CNBD1: variants seen among roughly 807,000 people sequenced by gnomAD.
CNBD1 encodes cyclic nucleotide-binding domain-containing protein 1.
A neutral mutation model predicts 54.4 loss-of-function variants in CNBD1; 71 were observed. That is an observed-to-expected ratio of 1.30 (90% CI 1.08 to 1.59). CNBD1 has a LOEUF of 1.59. Ranked by LOEUF, CNBD1 falls within the 40% of genes most tolerant of loss-of-function variation. The pLI, the probability that CNBD1 is intolerant of heterozygous loss-of-function variation, is 0.00. For missense variants in CNBD1, 659 were observed against 518.0 expected (o/e 1.27, Z -2.64); for synonymous variants, 182 against 170.7 (o/e 1.07, Z -0.51).
At chr8:86,900,859 G>T (rs1808921425) in intron 2 of CNBD1, among the ~76,000 whole-genome samples, 1 of 152,040 alleles carries the variant, frequency 6.6e-6, no homozygotes, top group Admixed American at 6.5e-5. Context: ...AGTTAACTTT[G>T]TCAAACAGAT....
chr8:87,275,541 C>T (rs1473069457), intron 6 of CNBD1, among the ~76,000 whole-genome samples: 1 of 151,762 alleles, frequency 6.6e-6, no homozygotes, highest in Non-Finnish European at 1.5e-5. Context: ...GCTAAAAACT[C>T]TCAATAAATT....
intron 4 of CNBD1, 168 bp downstream of exon 4, chr8:86,939,922 G>A (rs28726085): frequency 0.34 from 148,321 of 439,690 alleles, 25,698 homozygotes; most frequent in African/African-American, 0.44. Flanking sequence ...TATAAATACA[G>A]TCTTCATGAA....
At chr8:87,401,987 T>C (rs1378842236) in intron 2 of CNBD1, among the ~76,000 whole-genome samples, 1 of 151,946 alleles carries the variant, frequency 6.6e-6, no homozygotes, top group Non-Finnish European at 1.5e-5. Context: ...CATACTGTTA[T>C]GAAGAAATAT....
intron 4 of CNBD1, among the ~76,000 whole-genome samples, chr8:87,029,881 A>G (rs1368271688): frequency 6.6e-6 from 1 of 152,186 alleles, no homozygotes; most frequent in East Asian, 1.9e-4. Context: ...TACATTTCCT[A>G]AAATGCAAAG....
chr8:87,225,554 G>A (rs369277616), intron 5 of CNBD1, among the ~76,000 whole-genome samples: 21,385 of 150,836 alleles, frequency 0.14, 1,742 homozygotes, highest in Non-Finnish European at 0.19. Context: ...ATTGATTTGC[G>A]TATATTGAAC....
chr8:87,062,942 G>C lies in CNBD1; in HGVS notation c.431+123188G>C, dbSNP rs147508364. On this transcript the variant is annotated intron_variant, in intron 4 of 10. Transcript: ENST00000518476. Reference sequence around the variant, plus strand: ...ATAGTACAAGCCGTCTACTGGTGTGGTTGTCAAGAAAATTAACATATAGCT... The same window carrying C: ...ATAGTACAAGCCGTCTACTGGTGTGCTTGTCAAGAAAATTAACATATAGCT... Among the ~76,000 whole-genome samples, 482 of 152,202 alleles carry C rather than the reference G, an allele frequency of 3.2e-3. 3 individuals are homozygous for C. The highest frequency in any genetic ancestry group is 0.011 in the African/African-American group (460 of 41,540).
chr8:86,990,232 G>A (rs974310226), intron 4 of CNBD1, among the ~76,000 whole-genome samples: 9 of 152,070 alleles, frequency 5.9e-5, no homozygotes, highest in Non-Finnish European at 1.2e-4. Context: ...TTTTGCTTCG[G>A]TTGTCTGTGT....
At chr8:86,940,325 C>A (rs1809632147) in intron 4 of CNBD1, among the ~76,000 whole-genome samples, 1 of 151,916 alleles carries the variant, frequency 6.6e-6, no homozygotes, top group Non-Finnish European at 1.5e-5. Context: ...TGCCACCACG[C>A]CTGGCTAATT....
At chr8:87,411,863 G>C (rs1481824947) in intron 2 of CNBD1, among the ~76,000 whole-genome samples, 8 of 151,976 alleles carry the variant, frequency 5.3e-5, no homozygotes, top group African/African-American at 1.9e-4. Context: ...AAGTGACCAT[G>C]AAGGGAATAG....
At chr8:87,000,031 T>G (rs1199231862) in intron 4 of CNBD1, among the ~76,000 whole-genome samples, 1 of 152,218 alleles carries the variant, frequency 6.6e-6, no homozygotes, top group Non-Finnish European at 1.5e-5. Context: ...TTATCAGATA[T>G]TCTTTAAGTT....
At chr8:86,926,619 G>A (rs959726764) in intron 3 of CNBD1, among the ~76,000 whole-genome samples, 4 of 151,934 alleles carry the variant, frequency 2.6e-5, no homozygotes, top group African/African-American at 9.7e-5. Flanking sequence ...CACCAGGTGG[G>A]TCTCATACTA....
intron 4 of CNBD1, among the ~76,000 whole-genome samples, chr8:87,104,868 G>A (rs1475681950): frequency 6.6e-6 from 1 of 152,176 alleles, no homozygotes; most frequent in Non-Finnish European, 1.5e-5. Flanking sequence ...ATTATGAATT[G>A]TATGCCTTAC....
intron 5 of CNBD1, among the ~76,000 whole-genome samples, chr8:87,215,867 G>A (rs532810686): frequency 6.7e-4 from 102 of 152,122 alleles, no homozygotes; most frequent in Non-Finnish European, 1.3e-3. Context: ...TAAAATGGAA[G>A]CCCATGCCCA....
intron 10 of CNBD1, 186 bp downstream of exon 10, chr8:87,353,972 G>A (rs1207486153): frequency 2.3e-6 from 1 of 439,816 alleles, no homozygotes; most frequent in African/African-American, 2.1e-5. Flanking sequence ...AAGGGCACAT[G>A]TTTGTAGAGT....
intron 4 of CNBD1, among the ~76,000 whole-genome samples, chr8:87,060,074 C>T (rs908613107): frequency 6.6e-6 from 1 of 152,210 alleles, no homozygotes; most frequent in Non-Finnish European, 1.5e-5. Flanking sequence ...CAGCCCTTCA[C>T]TGGCCACACA....
rs374604866 is a variant in CNBD1 at position 87,122,652 on chromosome 8, G to A, written c.432-83341G>A. Among the ~76,000 whole-genome samples the A allele has an allele frequency of 3.3e-5, 5 of 151,822 alleles. 1 individual carries two copies. The East Asian group carries it at 9.7e-4, about 29-fold the overall frequency. On this transcript the variant is annotated intron_variant, in intron 4 of 10. Coordinates refer to ENST00000518476, the MANE Select transcript of CNBD1 (RefSeq NM_173538.3). Reference sequence around the variant, plus strand: ...TAGCATTCCAGGCCAATGTCATTTAGCATTCCCCCTATTTTATTCGAGTAG... The same window carrying A: ...TAGCATTCCAGGCCAATGTCATTTAACATTCCCCCTATTTTATTCGAGTAG...
intron 6 of CNBD1, among the ~76,000 whole-genome samples, chr8:87,264,810 G>A (rs1272272206): frequency 6.6e-6 from 1 of 152,104 alleles, no homozygotes; most frequent in Non-Finnish European, 1.5e-5. Flanking sequence ...TTTGAGAAGT[G>A]TCTGTTCATA....
intron 8 of CNBD1, among the ~76,000 whole-genome samples, chr8:87,309,538 T>C (rs1195710731): frequency 2.0e-5 from 3 of 152,134 alleles, no homozygotes; most frequent in African/African-American, 7.2e-5. Context: ...CTGTGGGAAT[T>C]TTCTAGAATT....
chr8:87,002,694 C>A, intron 4 of CNBD1, among the ~76,000 whole-genome samples: 1 of 151,892 alleles, frequency 6.6e-6, no homozygotes, highest in East Asian at 1.9e-4. Flanking sequence ...AAACTTTCAA[C>A]CTGTTCTCCC....
Sources: gnomAD v4.1 joint callset for allele counts (sites outside exome capture counted in the v4.1 genomes callset) on GRCh38, gnomAD v4.1.1 for gene constraint, MANE v1.5 for transcripts, NCBI Gene and HGNC (gene_info 2026-07-23, HGNC 2026-07-21) for gene names.